The following ANKRD11 variants were observed in gnomAD, a reference collection of about 807,000 sequenced individuals.
ANKRD11 encodes ankyrin repeat domain 11.
Under a neutral mutation model 195.7 loss-of-function variants are expected in ANKRD11, and 17 were observed. The ratio of observed to expected loss-of-function variants is 0.09; its 90% CI spans 0.06 to 0.13. The LOEUF is 0.13. ANKRD11 is among the 10% of genes least tolerant of loss of function. The probability of loss-of-function intolerance (pLI) is 1.00; values close to 1 mark genes in which losing one functional copy is unlikely to be tolerated. For missense variants in ANKRD11, 3,735 were observed against 3,566.1 expected (o/e 1.05, Z -1.21); for synonymous variants, 1,953 against 1,528.1 (o/e 1.28, Z -6.49).
At chr16:89,448,111 C>T (rs1216367274) in intron 1 of ANKRD11, among the ~76,000 whole-genome samples, 1 of 147,050 alleles carries the variant, frequency 6.8e-6, no homozygotes, top group Non-Finnish European at 1.5e-5. Context: ...TCTATTCTCT[C>T]ACTGAAGCAG....
chr16:89,394,998 A>T (rs2041362390), intron 2 of ANKRD11, among the ~76,000 whole-genome samples: 1 of 152,218 alleles, frequency 6.6e-6, no homozygotes, highest in Non-Finnish European at 1.5e-5. Context: ...ACCAGCAAAT[A>T]CATCACGGTA....
rs1297422346 is a variant in ANKRD11 at position 89,279,339 on chromosome 16, G to A, written c.7203C>T (p.Asn2401=). Reference sequence around the variant, plus strand: ...CCTCCCGCGTCTGCTGCGTGGACGTGTTCAGCTGCTGCTGCAGCTGCTGGG... The same window carrying A: ...CCTCCCGCGTCTGCTGCGTGGACGTATTCAGCTGCTGCTGCAGCTGCTGGG... ...RSTQQLQQQL[N]TSTQQTREVI... The change falls in exon 9 of 13, where the codon AAC becomes AAT. Residue 2401 remains asparagine (N), a synonymous_variant. Transcript: ENST00000301030. This position sits in a 1 kb window ranked among gnomAD's most constrained non-coding sequence, Gnocchi z 5.6. 1 of 1,611,122 alleles carries A rather than the reference G, an allele frequency of 6.2e-7. No homozygotes were observed. Among genetic ancestry groups the A allele is most frequent in the Non-Finnish European group, 8.5e-7 (1 of 1,179,504 alleles).
chr16:89,342,310 A>T (rs1217447963), intron 2 of ANKRD11, among the ~76,000 whole-genome samples: 2 of 152,276 alleles, frequency 1.3e-5, no homozygotes, highest in East Asian at 3.8e-4. Context: ...CAGACCTCAG[A>T]ACCAGCTTCT....
chr16:89,382,657 C>G lies in ANKRD11; in HGVS notation c.-60+35627G>C, dbSNP rs188545953. Reference sequence around the variant, plus strand: ...TGGCCGACAAATAAACAATTCCCCCCCTCCAGTAGATGGGGTCTCACTATG... The same window carrying G: ...TGGCCGACAAATAAACAATTCCCCCGCTCCAGTAGATGGGGTCTCACTATG... On this transcript the variant is annotated intron_variant, in intron 2 of 12. Coordinates refer to ENST00000301030, the MANE Select transcript of ANKRD11 (RefSeq NM_013275.6). Among the ~76,000 whole-genome samples, 268 of 152,050 alleles carry G rather than the reference C, an allele frequency of 1.8e-3. 9 individuals are homozygous for G. Among genetic ancestry groups the G allele is most frequent in the Admixed American group, 0.014 (220 of 15,260 alleles).
intron 2 of ANKRD11, among the ~76,000 whole-genome samples, chr16:89,395,425 G>A (rs188370251): frequency 6.7e-4 from 102 of 152,358 alleles, no homozygotes; most frequent in African/African-American, 2.4e-3. Flanking sequence ...AGATCAAAGA[G>A]AGGAGACAGC....
At chr16:89,278,155 G>C (rs1479292138) in intron 9 of ANKRD11, 3 of 284,928 alleles carry the variant, frequency 1.1e-5, no homozygotes, top group Admixed American at 4.9e-5. Context: ...GGAAGAGCCA[G>C]AACGCCACAC....
intron 2 of ANKRD11, among the ~76,000 whole-genome samples, chr16:89,417,135 A>T (rs948721556): frequency 3.3e-5 from 5 of 152,234 alleles, no homozygotes; most frequent in Non-Finnish European, 5.9e-5. Context: ...TTCCAAGGAA[A>T]GAATTCAGTC....
chr16:89,489,539 C>G (rs1230737449), intron 1 of ANKRD11, among the ~76,000 whole-genome samples: 1 of 151,570 alleles, frequency 6.6e-6, no homozygotes, highest in Non-Finnish European at 1.5e-5. Flanking sequence ...GGCTCGGAGC[C>G]CGAGAGCCGC....
intron 2 of ANKRD11, among the ~76,000 whole-genome samples, chr16:89,349,121 C>T (rs181005818): frequency 8.1e-3 from 143 of 17,644 alleles, no homozygotes; most frequent in Admixed American, 0.018. Flanking sequence ...GAGTAAAACA[C>T]TGTCTCAAAA....
intron 1 of ANKRD11, among the ~76,000 whole-genome samples, chr16:89,474,761 T>A (rs1324677209): frequency 6.6e-6 from 1 of 152,224 alleles, no homozygotes; most frequent in African/African-American, 2.4e-5. Context: ...ATTCCAAGTT[T>A]TTTATAATTA....
At chr16:89,324,298 C>T in intron 2 of ANKRD11, 1 of 1,267,078 alleles carries the variant, frequency 7.9e-7, no homozygotes, top group Non-Finnish European at 1.0e-6. Context: ...ACACGGACCA[C>T]CCGACAGGAG....
chr16:89,318,607 C>A (rs1444591715), intron 2 of ANKRD11, among the ~76,000 whole-genome samples: 2 of 152,220 alleles, frequency 1.3e-5, no homozygotes, highest in African/African-American at 4.8e-5. Context: ...CCACCTCCAC[C>A]CCGTCAGCTA....
intron 1 of ANKRD11, among the ~76,000 whole-genome samples, chr16:89,439,939 A>C (rs1362733056): frequency 6.6e-6 from 1 of 152,310 alleles, no homozygotes; most frequent in South Asian, 2.1e-4. Context: ...ACACACCCAC[A>C]GCAGGAGAGG....
At chr16:89,350,201 A>T (rs1030675402) in intron 2 of ANKRD11, among the ~76,000 whole-genome samples, 1 of 152,258 alleles carries the variant, frequency 6.6e-6, no homozygotes, top group Admixed American at 6.5e-5. Flanking sequence ...GCAAGGACAG[A>T]GCAGATGGAA....
chr16:89,353,822 A>G (rs3114885), intron 2 of ANKRD11, among the ~76,000 whole-genome samples: 147,528 of 152,298 alleles, frequency 0.97, 71,487 homozygotes, highest in East Asian at 1. Flanking sequence ...CATGATCAAC[A>G]GCCACTATGG....
At chr16:89,468,234 AAG>A (rs901008420) in intron 1 of ANKRD11, among the ~76,000 whole-genome samples, 80 of 152,364 alleles carry the variant, frequency 5.3e-4, no homozygotes, top group African/African-American at 1.8e-3. Flanking sequence ...CAGCAAAACT[AAG>A]AGGATTTGGG....
chr16:89,401,831 C>T (rs1354715647), intron 2 of ANKRD11, among the ~76,000 whole-genome samples: 1 of 152,256 alleles, frequency 6.6e-6, no homozygotes, highest in East Asian at 1.9e-4. Flanking sequence ...CGTGGTGATG[C>T]GTCTACAAGC....
At chr16:89,299,605 G>A (rs1188804392) in intron 4 of ANKRD11, 14 of 164,294 alleles carry the variant, frequency 8.5e-5, no homozygotes, top group African/African-American at 2.5e-4. Flanking sequence ...TGTGTGGGGT[G>A]CCTGCCCTGT....
rs1597538174 is a variant in ANKRD11, at chr16:89,302,746, C to T, written c.226+2460G>A. On this transcript the variant is annotated intron_variant, in intron 4 of 12. Transcript: ENST00000301030. ...CTACGTTTCTTAGGTCTTTTTGTTA[C>T]AATCCTTGCCTGGAAAATTCTATTT... 2.0e-5 allele frequency among the ~76,000 whole-genome samples: 3 copies of T among 152,222 alleles called. No homozygotes were observed. The East Asian group carries it at 5.8e-4, about 29-fold the overall frequency.
Sources: gnomAD v4.1 joint callset for allele counts (sites outside exome capture counted in the v4.1 genomes callset) on GRCh38, gnomAD v4.1.1 for gene constraint, Gnocchi (gnomAD v3.1) non-coding constraint, MANE v1.5 for transcripts, NCBI Gene and HGNC (gene_info 2026-07-23, HGNC 2026-07-21) for gene names.